Variants in ZNF385D observed in about 807,000 individuals in gnomAD.
The protein encoded by ZNF385D is zinc finger protein 659.
ZNF385D carries 15 observed loss-of-function variants against 35.8 expected under a neutral mutation model. The ratio of observed to expected loss-of-function variants is 0.42; its 90% CI spans 0.28 to 0.64. ZNF385D has a LOEUF of 0.64. Among genes scored for constraint, ZNF385D ranks in the 30% least tolerant of loss-of-function variants. The pLI is 0.23. For synonymous variants in ZNF385D, 212 were observed against 186.8 expected (o/e 1.13, Z -1.10); for missense variants, 474 against 494.6 (o/e 0.96, Z 0.39).
intron 7 of ZNF385D, among the ~76,000 whole-genome samples, chr3:21,422,353 CTT>C (rs1369067069): frequency 2.0e-5 from 3 of 152,132 alleles, no homozygotes; most frequent in African/African-American, 7.2e-5. Flanking sequence ...AGTAAAGTAA[CTT>C]TACTTTTTTA....
At chr3:22,047,460 ATTTT>A (rs1365226391) in intron 3 of ZNF385D, among the ~76,000 whole-genome samples, 1 of 151,980 alleles carries the variant, frequency 6.6e-6, no homozygotes, top group Admixed American at 6.6e-5. Context: ...TGTGAGTTAA[ATTTT>A]TTGAGATTCA....
Position 22,204,353 on chromosome 3 carries a change from G to A in ZNF385D, c.107-35318C>T, listed in dbSNP as rs142312697. Among the ~76,000 whole-genome samples the A allele has an allele frequency of 1.5e-3, 232 of 152,096 alleles. 1 individual carries two copies. The highest frequency in any genetic ancestry group is 5.2e-3 in the African/African-American group (216 of 41,516). ...CAAGAACTTGTATGATAAAAGACAA[G>A]TTCCTCTGAATACCTGGAAAATCTT... On this transcript the variant is annotated intron_variant, in intron 2 of 5. Transcript: ENST00000494108.
chr3:22,243,012 C>T (rs113723583), intron 2 of ZNF385D, among the ~76,000 whole-genome samples: 4,037 of 150,878 alleles, frequency 0.027, 355 homozygotes, highest in African/African-American at 0.093. Context: ...AAAGCAAAAG[C>T]AACAAAATAA....
chr3:21,627,804 C>T (rs758601519), intron 2 of ZNF385D, among the ~76,000 whole-genome samples: 4 of 152,026 alleles, frequency 2.6e-5, no homozygotes, highest in African/African-American at 4.8e-5. Flanking sequence ...TAAAGTTCAT[C>T]GTCCCAGTCA....
At chr3:22,152,468 A>C (rs1705302246) in intron 3 of ZNF385D, among the ~76,000 whole-genome samples, 1 of 152,122 alleles carries the variant, frequency 6.6e-6, no homozygotes, top group South Asian at 2.1e-4. Context: ...CTATGGGGTG[A>C]AATCAAGGTG....
intron 3 of ZNF385D, among the ~76,000 whole-genome samples, chr3:21,939,684 C>T (rs1189340545): frequency 6.6e-6 from 1 of 152,022 alleles, no homozygotes; most frequent in Admixed American, 6.6e-5. Context: ...TGTCTTAAAA[C>T]AATTTGTGAT....
At chr3:22,105,933 A>G (rs1204803848) in intron 3 of ZNF385D, among the ~76,000 whole-genome samples, 2 of 152,188 alleles carry the variant, frequency 1.3e-5, no homozygotes, top group Admixed American at 1.3e-4. Flanking sequence ...CTAATTTAAT[A>G]GTACACATCT....
intron 2 of ZNF385D, among the ~76,000 whole-genome samples, chr3:21,588,908 C>T (rs1363829890): frequency 6.6e-6 from 1 of 152,134 alleles, no homozygotes; most frequent in Non-Finnish European, 1.5e-5. Flanking sequence ...GTAATATGCT[C>T]ATACATCCAC....
intron 1 of ZNF385D, among the ~76,000 whole-genome samples, chr3:21,749,029 T>C (rs370887411): frequency 4.6e-5 from 7 of 152,292 alleles, no homozygotes. Context: ...CCTGAATACA[T>C]AGGATTTCCT....
At chr3:21,443,826 T>C (rs1701988898) in intron 4 of ZNF385D, among the ~76,000 whole-genome samples, 1 of 152,174 alleles carries the variant, frequency 6.6e-6, no homozygotes, top group Non-Finnish European at 1.5e-5. Flanking sequence ...CATTAAAAAT[T>C]TTAGAAAGGA....
At chr3:22,104,259 G>A (rs1702091751) in intron 3 of ZNF385D, among the ~76,000 whole-genome samples, 1 of 151,930 alleles carries the variant, frequency 6.6e-6, no homozygotes, top group Non-Finnish European at 1.5e-5. Context: ...TCTGTAGAGT[G>A]CCATCACTCT....
At chr3:22,027,956 C>T (rs996667944) in intron 3 of ZNF385D, among the ~76,000 whole-genome samples, 5 of 152,170 alleles carry the variant, frequency 3.3e-5, no homozygotes, top group African/African-American at 9.7e-5. Context: ...TCTAGGACAT[C>T]CCTGAAGGAT....
At chr3:21,848,307 T>C (rs998495021) in intron 3 of ZNF385D, among the ~76,000 whole-genome samples, 3 of 152,008 alleles carry the variant, frequency 2.0e-5, no homozygotes, top group African/African-American at 4.8e-5. Context: ...ACAGTGAACA[T>C]GGGAGTGGTC....
chr3:21,922,966 G>A (rs1187931597), intron 3 of ZNF385D, among the ~76,000 whole-genome samples: 1 of 152,072 alleles, frequency 6.6e-6, no homozygotes, highest in African/African-American at 2.4e-5. Context: ...TTGAAAAATG[G>A]GCAAAAGACA....
chr3:21,467,196 A>G (rs1023441844), intron 4 of ZNF385D, among the ~76,000 whole-genome samples: 1 of 152,204 alleles, frequency 6.6e-6, no homozygotes, highest in Non-Finnish European at 1.5e-5. Context: ...CATTAATTAC[A>G]TTTACTTTCC....
chr3:22,105,614 G>A (rs2125633560), intron 3 of ZNF385D, among the ~76,000 whole-genome samples: 1 of 118,318 alleles, frequency 8.5e-6, no homozygotes, highest in South Asian at 2.7e-4. Context: ...AGGTCTGAGG[G>A]ACTGAGAACC....
At chr3:22,003,085 C>T (rs1695952668) in intron 3 of ZNF385D, among the ~76,000 whole-genome samples, 1 of 152,092 alleles carries the variant, frequency 6.6e-6, no homozygotes, top group Non-Finnish European at 1.5e-5. Flanking sequence ...AGCAATCAGT[C>T]AAGATAAAGA....
chr3:21,825,993 C>A (rs1473995846), intron 3 of ZNF385D, among the ~76,000 whole-genome samples: 3 of 152,128 alleles, frequency 2.0e-5, no homozygotes, highest in Non-Finnish European at 4.4e-5. Flanking sequence ...GAATCTAATG[C>A]CTGATGATTT....
chr3:22,249,065 A>C (rs1376246569), intron 2 of ZNF385D, among the ~76,000 whole-genome samples: 1 of 152,098 alleles, frequency 6.6e-6, no homozygotes, highest in East Asian at 1.9e-4. Flanking sequence ...CTGGCTGTTT[A>C]ATGCCAGGCA....
Sources: gnomAD v4.1 joint callset for allele counts (sites outside exome capture counted in the v4.1 genomes callset) on GRCh38, gnomAD v4.1.1 for gene constraint, MANE v1.5 for transcripts, NCBI Gene and HGNC (gene_info 2026-07-23, HGNC 2026-07-21) for gene names.